Variants in GRTP1 observed in about 807,000 individuals in gnomAD.
The protein encoded by GRTP1 is growth hormone regulated TBC protein 1.
In GRTP1, 56 loss-of-function variants were observed where a neutral mutation model predicts 38.1. The ratio of observed to expected loss-of-function variants is 1.47; its 90% CI spans 1.19 to 1.84. GRTP1 has a LOEUF of 1.84. Ranked by LOEUF, GRTP1 falls within the 40% of genes most tolerant of loss-of-function variation. The pLI is 0.00. For missense variants in GRTP1, 506 were observed against 453.9 expected (o/e 1.11, Z -1.04); for synonymous variants, 217 against 189.5 (o/e 1.14, Z -1.19).
rs926079802 is a variant in GRTP1, at chr13:113,342,829, A to T, written c.562+2034T>A. ...TTTTTGTACTTTCTTTTCTTTTTGA[A>T]TCCAGACCTATTTGCATTGCAGTTT... On this transcript the variant is annotated intron_variant, in intron 5 of 7. Coordinates refer to ENST00000375431, the MANE Select transcript of GRTP1 (RefSeq NM_024719.4). The surrounding 1 kb of genome is among the most constrained non-coding windows in gnomAD (Gnocchi z 4.5). 2.6e-5 allele frequency among the ~76,000 whole-genome samples: 4 copies of T among 152,284 alleles called. No individual in the cohort carries two copies. Among genetic ancestry groups the T allele is most frequent in the African/African-American group, 7.2e-5 (3 of 41,566 alleles).
intron 3 of GRTP1, chr13:113,355,057 C>T: frequency 2.7e-6 from 1 of 368,060 alleles, no homozygotes; most frequent in Non-Finnish European, 4.9e-6. Flanking sequence ...CCCTGTCCCG[C>T]GAGTCTTCAT....
Position 113,350,929 on chromosome 13 carries a change from T to A in GRTP1, c.385A>T (p.Thr129Ser), listed in dbSNP as rs139569858. 10 of 1,613,566 alleles carry A rather than the reference T, an allele frequency of 6.2e-6. No individual in the cohort carries two copies. In the African/African-American group the frequency reaches 1.3e-4, roughly 22 times the overall value. Residue 129 changes from threonine to serine, a missense_variant, in exon 4 of 8, where the codon ACG (threonine) becomes TCG (serine). Physicochemically the swap from Thr to Ser is moderately conservative, Grantham distance 58. Transcript: ENST00000375431. Reference protein sequence around the residue: ...FPDNVKFRKTTDPCLQRTLYN... With the variant: ...FPDNVKFRKTSDPCLQRTLYN... ...AGGGTCCTCTGTAAGCAGGGGTCCG[T>A]GGTCTTCCGGAACTTCACGTTGTCG... is the stretch of plus-strand genomic sequence containing the variant.
At chr13:113,363,392 A>G (rs930179474) in intron 2 of GRTP1, among the ~76,000 whole-genome samples, 1 of 151,992 alleles carries the variant, frequency 6.6e-6, no homozygotes, top group Non-Finnish European at 1.5e-5. Flanking sequence ...TTTTTAGTAG[A>G]GACGGGGTTT....
Position 113,348,689 on chromosome 13 carries a change from G to A in GRTP1, c.465+2160C>T, listed in dbSNP as rs2043210579. On this transcript the variant is annotated intron_variant, in intron 4 of 7. Coordinates refer to ENST00000375431, the MANE Select transcript of GRTP1 (RefSeq NM_024719.4). This position sits in a 1 kb window ranked among gnomAD's most constrained non-coding sequence, Gnocchi z 4.8. ...ACAGGAGAACGCACATGGAGATGGA[G>A]GCAGAGATTGGAGTAGTGATGCCAC... Among the ~76,000 whole-genome samples the A allele has an allele frequency of 6.6e-6, 1 of 152,280 alleles. No individual in the cohort carries two copies. The highest frequency in any genetic ancestry group is 6.5e-5 in the Admixed American group (1 of 15,296).
At chr13:113,347,774 A>G (rs1475600795) in intron 4 of GRTP1, among the ~76,000 whole-genome samples, 1 of 139,684 alleles carries the variant, frequency 7.2e-6, no homozygotes, top group Non-Finnish European at 1.5e-5. Flanking sequence ...AGCCGAGAGC[A>G]GACCCGGGAG....
intron 5 of GRTP1, among the ~76,000 whole-genome samples, chr13:113,335,356 G>C (rs1018601114): frequency 6.6e-6 from 1 of 151,418 alleles, no homozygotes; most frequent in Non-Finnish European, 1.5e-5. Context: ...CCAGGAGGCG[G>C]AGGTTGCAGT....
chr13:113,324,628 G>T (rs750523938), intron 7 of GRTP1, 51 bp from the exon 8 acceptor site: 4 of 1,546,832 alleles, frequency 2.6e-6, no homozygotes, highest in Non-Finnish European at 3.5e-6. Flanking sequence ...CCATTTCTAC[G>T]TTAGCTCTCC....
In GRTP1 at chr13:113,363,786, C is replaced by G; in HGVS notation, c.157G>C (p.Gly53Arg). 6.2e-7 allele frequency: 1 copy of G among 1,610,822 alleles called. No individual in the cohort carries two copies. The highest frequency in any genetic ancestry group is 8.5e-7 in the Non-Finnish European group (1 of 1,179,178). The change falls in exon 2 of 8, where the codon GGG becomes CGG. Residue 53 changes from glycine (G) to arginine (R), a missense_variant. Transcript: ENST00000375431. ...CCTGTCCGGCTCCTGGGGACGCCCC[C>G]GCCCTGCAGCAGCCGGGACCATTTG... ...AIKWSRLLQG[G>R]GVPRSRTVKR... is the part of the protein sequence containing the mutation.
At chr13:113,357,112 C>T (rs540548258) in intron 2 of GRTP1, among the ~76,000 whole-genome samples, 484 of 151,288 alleles carry the variant, frequency 3.2e-3, no homozygotes, top group Admixed American at 7.5e-3. Flanking sequence ...GAGATCGAGA[C>T]CATCCTGGCC....
At chr13:113,352,066 T>A (rs2139502141) in intron 3 of GRTP1, 1 of 149,688 alleles carries the variant, frequency 6.7e-6, no homozygotes, top group Non-Finnish European at 1.5e-5. Flanking sequence ...GAGCACATTA[T>A]TTCTCATTGT....
chr13:113,350,841 A>C lies in GRTP1; in HGVS notation c.465+8T>G, dbSNP rs754327688. The C allele has an allele frequency of 1.3e-6, 2 of 1,561,278 alleles. No individual in the cohort carries two copies. The highest frequency in any genetic ancestry group is 3.5e-5 in the Admixed American group (2 of 56,776). ...CACCTCATGGCGTCAGAGGGTCCCGAGGCTCACCTGGCAGTAGCCCACTCC... is the reference window on the plus strand; with the variant it reads ...CACCTCATGGCGTCAGAGGGTCCCGCGGCTCACCTGGCAGTAGCCCACTCC... On this transcript the variant is annotated splice_region_variant and intron_variant, in intron 4 of 7. Coordinates refer to ENST00000375431, the MANE Select transcript of GRTP1 (RefSeq NM_024719.4).
In GRTP1 at chr13:113,348,365, C is replaced by T. The variant is rs187805206; in HGVS notation, c.465+2484G>A. Among the ~76,000 whole-genome samples, 12 of 152,232 alleles carry T rather than the reference C, an allele frequency of 7.9e-5. No homozygotes were observed. The highest frequency in any genetic ancestry group is 1.7e-4 in the African/African-American group (7 of 41,528). ...ACTCAGGAGGCCAAGGTGGGAAAATCGCTTGAGCAAAGGAGGTTGAGGCTG... is the reference window on the plus strand; with the variant it reads ...ACTCAGGAGGCCAAGGTGGGAAAATTGCTTGAGCAAAGGAGGTTGAGGCTG... On this transcript the variant is annotated intron_variant, in intron 4 of 7. Transcript: ENST00000375431. This position sits in a 1 kb window ranked among gnomAD's most constrained non-coding sequence, Gnocchi z 4.8.
At chr13:113,356,855 G>C (rs2043396817) in intron 2 of GRTP1, among the ~76,000 whole-genome samples, 1 of 152,182 alleles carries the variant, frequency 6.6e-6, no homozygotes, top group Non-Finnish European at 1.5e-5. Flanking sequence ...TCAGGCTCTG[G>C]AAGGACAGGC....
At chr13:113,358,228 C>CAA (rs1185280217) in intron 2 of GRTP1, among the ~76,000 whole-genome samples, 4 of 151,968 alleles carry the variant, frequency 2.6e-5, no homozygotes, top group Non-Finnish European at 5.9e-5. Flanking sequence ...GCATCATTTA[C>CAA]AATAGTAACA....
intron 7 of GRTP1, 75 bp downstream of exon 7, chr13:113,325,586 G>A (rs748499737): frequency 1.2e-5 from 20 of 1,609,718 alleles, no homozygotes; most frequent in Admixed American, 1.7e-5. Context: ...CCTCCGGGTG[G>A]TCAGAGCAGC....
In GRTP1 at chr13:113,343,153, A is replaced by G. The variant is rs1432029973; in HGVS notation, c.562+1710T>C. Among the ~76,000 whole-genome samples, 3 of 152,068 alleles carry G rather than the reference A, an allele frequency of 2.0e-5. No homozygotes were observed. The highest frequency in any genetic ancestry group is 7.2e-5 in the African/African-American group (3 of 41,396). ...GCTGTGAAGATTCGCCATGATTTGC[A>G]CTCAGACATAACCGAAGCAGGCTGT... On this transcript the variant is annotated intron_variant, in intron 5 of 7. Transcript: ENST00000375431. The surrounding 1 kb of genome is among the most constrained non-coding windows in gnomAD (Gnocchi z 4.8).
chr13:113,347,802 G>A (rs1029974562), intron 4 of GRTP1, among the ~76,000 whole-genome samples: 11 of 142,472 alleles, frequency 7.7e-5, no homozygotes, highest in Admixed American at 4.1e-4. Flanking sequence ...GTGGCTGAGC[G>A]GATCTGGGAG....
intron 2 of GRTP1, among the ~76,000 whole-genome samples, chr13:113,363,190 C>A (rs371654610): frequency 6.6e-6 from 1 of 152,160 alleles, no homozygotes; most frequent in Admixed American, 6.5e-5. Flanking sequence ...CGCGGAGGAG[C>A]GGCAGGTCGA....
At chr13:113,328,475 C>T (rs2042808448) in intron 5 of GRTP1, among the ~76,000 whole-genome samples, 1 of 152,220 alleles carries the variant, frequency 6.6e-6, no homozygotes, top group African/African-American at 2.4e-5. Flanking sequence ...CAGGCCAGTT[C>T]TCCACCCTGG....
Sources: gnomAD v4.1 joint callset for allele counts (sites outside exome capture counted in the v4.1 genomes callset) on GRCh38, gnomAD v4.1.1 for gene constraint, Gnocchi (gnomAD v3.1) non-coding constraint, MANE v1.5 for transcripts, NCBI Gene and HGNC (gene_info 2026-07-23, HGNC 2026-07-21) for gene names.